PDE9A: variants seen among roughly 807,000 people sequenced by gnomAD.
PDE9A encodes phosphodiesterase 9A.
PDE9A carries 60 observed loss-of-function variants against 87.4 expected under a neutral mutation model. The ratio of observed to expected loss-of-function variants is 0.69; its 90% confidence interval spans 0.56 to 0.85. The LOEUF (loss-of-function observed/expected upper bound fraction) is 0.85. Among genes scored for constraint, PDE9A ranks in the 40% least tolerant of loss-of-function variants. The probability of loss-of-function intolerance (pLI) is 0.00; values close to 1 mark genes in which losing one functional copy is unlikely to be tolerated. For synonymous variants in PDE9A, 272 were observed against 279.4 expected, an observed-to-expected ratio of 0.97 and a Z score of 0.27; for missense variants, 665 against 779.0, an observed-to-expected ratio of 0.85 and a Z score of 1.74.
Position 42,733,417 on chromosome 21 carries a change from C to T in PDE9A, c.559C>T (p.Arg187Cys), listed in dbSNP as rs747064555. 13 of 1,590,896 alleles carry T rather than the reference C, an allele frequency of 8.2e-6. No homozygotes were observed. The highest frequency in any genetic ancestry group is 2.7e-5 in the African/African-American group (2 of 74,596). ...AAATCACTTGGCTGTCCTAGAGAAA[C>T]GCGTGGAATGTGAGTGACGTTTCTG... ...VANHLAVLEK[R>C]VELEGLKVVE... The change falls in exon 7 of 20, where the codon CGC becomes TGC. Residue 187 changes from arginine (R) to cysteine (C), a missense_variant. Transcript: ENST00000291539.
intron 8 of PDE9A, among the ~76,000 whole-genome samples, chr21:42,749,510 G>T (rs4920147): frequency 0.66 from 99,856 of 152,084 alleles, 33,104 homozygotes; most frequent in East Asian, 0.86. Context: ...CCTGAAGCCA[G>T]CACACTGCCC....
chr21:42,719,728 T>C (rs1230406269), intron 4 of PDE9A, among the ~76,000 whole-genome samples: 2 of 152,146 alleles, frequency 1.3e-5, no homozygotes, highest in Non-Finnish European at 2.9e-5. Flanking sequence ...TTGTGTATCC[T>C]ACTGATAGAT....
chr21:42,678,098 A>C (rs185554033), intron 1 of PDE9A, among the ~76,000 whole-genome samples: 1 of 152,388 alleles, frequency 6.6e-6, no homozygotes, highest in African/African-American at 2.4e-5. Flanking sequence ...GCTGCAAGGA[A>C]GCTCCTCAAA....
chr21:42,681,168 A>G (rs2059146159), intron 1 of PDE9A, among the ~76,000 whole-genome samples: 1 of 152,238 alleles, frequency 6.6e-6, no homozygotes, highest in African/African-American at 2.4e-5. Context: ...CCCTATTTAC[A>G]GAATGGTAAA....
At chr21:42,667,785 G>C (rs1032086111) in intron 1 of PDE9A, among the ~76,000 whole-genome samples, 2 of 152,024 alleles carry the variant, frequency 1.3e-5, no homozygotes, top group Non-Finnish European at 2.9e-5. Flanking sequence ...ACCCCCTGCT[G>C]TTTGGTCCAG....
At chr21:42,731,187 A>AC (rs1436348560) in intron 4 of PDE9A, among the ~76,000 whole-genome samples, 2 of 152,068 alleles carry the variant, frequency 1.3e-5, no homozygotes, top group Non-Finnish European at 2.9e-5. Context: ...CGAACTCCCG[A>AC]CCTCAGGTGA....
At chr21:42,691,131 T>C (rs1198944635) in intron 3 of PDE9A, among the ~76,000 whole-genome samples, 1 of 149,660 alleles carries the variant, frequency 6.7e-6, no homozygotes, top group Non-Finnish European at 1.5e-5. Context: ...CCTATCACCA[T>C]CATCATCCAG....
rs901233864 is a variant in PDE9A at position 42,696,234 on chromosome 21, T to C, written c.219-2734T>C. On this transcript the variant is annotated intron_variant, in intron 3 of 19. Coordinates refer to ENST00000291539, the MANE Select transcript of PDE9A (RefSeq NM_002606.3). This position sits in a 1 kb window ranked among gnomAD's most constrained non-coding sequence, Gnocchi z 5.1. ...CCCAGGACACCTTCCTCTGAGTCTC[T>C]TGCGTGGGAGAAGTTGCTGGACACG... Among the ~76,000 whole-genome samples, 2 of 152,166 alleles carry C rather than the reference T, an allele frequency of 1.3e-5. No individual in the cohort carries two copies. The highest frequency in any genetic ancestry group is 2.9e-5 in the Non-Finnish European group (2 of 68,018).
intron 19 of PDE9A, among the ~76,000 whole-genome samples, 171 bp from the exon 20 acceptor site, chr21:42,775,108 AT>A (rs1212233589): frequency 6.6e-6 from 1 of 151,560 alleles, no homozygotes; most frequent in Non-Finnish European, 1.5e-5. Context: ...CGCCTGGCTA[AT>A]TTTTCTATTT....
chr21:42,761,863 G>A (rs1352871232), intron 13 of PDE9A, among the ~76,000 whole-genome samples: 1 of 151,688 alleles, frequency 6.6e-6, no homozygotes, highest in African/African-American at 2.4e-5. Context: ...AGAGGTGTCT[G>A]TCTGGTGGGA....
rs35644198 is a variant in PDE9A at position 42,719,639 on chromosome 21, CA to C, written c.263-12109del. ...TGGGTGACAGAGTGAGAGTCTGTCT[CA>C]AAAAAAAAAAAAAAAAAAAAAGAAA... On this transcript the variant is annotated intron_variant, in intron 4 of 19. Transcript: ENST00000291539. Among the ~76,000 whole-genome samples the C allele has an allele frequency of 4.0e-3, 520 of 131,088 alleles. 1 individual carries two copies. Among genetic ancestry groups the C allele is most frequent in the Non-Finnish European group, 5.1e-3 (297 of 58,290 alleles). The allele number at this position is 131,088 out of a possible 152,430, so 86.0% of individuals were successfully genotyped here. A position where few individuals can be genotyped will look rare whatever the true frequency, so the allele number is the denominator to read the frequency against.
At chr21:42,736,019 G>T (rs972870824) in intron 7 of PDE9A, among the ~76,000 whole-genome samples, 3 of 151,970 alleles carry the variant, frequency 2.0e-5, no homozygotes, top group African/African-American at 7.3e-5. Context: ...GACACAAAAA[G>T]CCACGCAGTC....
At chr21:42,771,748 C>T (rs1043889292) in intron 18 of PDE9A, among the ~76,000 whole-genome samples, 14 of 152,248 alleles carry the variant, frequency 9.2e-5, no homozygotes, top group Non-Finnish European at 2.1e-4. Context: ...CCGTGCTCCC[C>T]ATGCCCACAC....
intron 7 of PDE9A, among the ~76,000 whole-genome samples, chr21:42,736,045 T>TGCAGATGCCCGCGGGCA (rs961788572): frequency 7.9e-5 from 12 of 151,956 alleles, no homozygotes; most frequent in Non-Finnish European, 1.3e-4. Context: ...GGGGCGAGTG[T>TGCAGATGCCCGCGGGCA]GCAGATGCCC....
chr21:42,767,134 G>A (rs2056487289), intron 15 of PDE9A, among the ~76,000 whole-genome samples: 1 of 152,086 alleles, frequency 6.6e-6, no homozygotes, highest in African/African-American at 2.4e-5. Flanking sequence ...TTATGAACAC[G>A]GGTGGAGGAC....
At chr21:42,706,945 G>A (rs1277091603) in intron 4 of PDE9A, among the ~76,000 whole-genome samples, 2 of 152,148 alleles carry the variant, frequency 1.3e-5, no homozygotes, top group African/African-American at 4.8e-5. Flanking sequence ...TTCCTTTATG[G>A]CTGGATGACG....
intron 9 of PDE9A, 59 bp downstream of exon 9, chr21:42,751,256 C>G: frequency 3.3e-6 from 4 of 1,206,872 alleles, no homozygotes; most frequent in Non-Finnish European, 4.9e-6. Flanking sequence ...CCACGCCCAG[C>G]CCTGTGGCCC....
intron 3 of PDE9A, among the ~76,000 whole-genome samples, chr21:42,691,994 A>C (rs1057461872): frequency 6.6e-6 from 1 of 152,192 alleles, no homozygotes; most frequent in African/African-American, 2.4e-5. Context: ...ACCTGTCACC[A>C]TCAGCACATC....
At chr21:42,665,924 T>C (rs958657396) in intron 1 of PDE9A, among the ~76,000 whole-genome samples, 1 of 152,236 alleles carries the variant, frequency 6.6e-6, no homozygotes, top group African/African-American at 2.4e-5. Context: ...TGGGCACCTC[T>C]GCGCCATGAG....
Sources: allele counts gnomAD v4.1 joint callset (sites outside exome capture counted in the v4.1 genomes callset), GRCh38; gene constraint gnomAD v4.1.1; non-coding constraint Gnocchi (gnomAD v3.1); transcripts MANE v1.5; gene names NCBI Gene and HGNC (gene_info 2026-07-23, HGNC 2026-07-21).